SLC35F3: variants seen among roughly 807,000 people sequenced by gnomAD.
The protein encoded by SLC35F3 is putative thiamine transporter SLC35F3.
SLC35F3 carries 25 observed loss-of-function variants against 49.9 expected under a neutral mutation model. The ratio of observed to expected loss-of-function variants is 0.50; its 90% CI spans 0.37 to 0.70. The LOEUF (loss-of-function observed/expected upper bound fraction) is 0.70, where lower values mean the gene tolerates loss of function less well. SLC35F3 is among the 30% of genes least tolerant of loss of function. The probability of loss-of-function intolerance (pLI) is 0.00; values close to 1 mark genes in which losing one functional copy is unlikely to be tolerated. For synonymous variants in SLC35F3, 275 were observed against 265.4 expected (o/e 1.04, Z -0.35); for missense variants, 525 against 639.8 (o/e 0.82, Z 1.94).
At chr1:233,916,881 T>C (rs1168429953) in intron 2 of SLC35F3, among the ~76,000 whole-genome samples, 1 of 152,206 alleles carries the variant, frequency 6.6e-6, no homozygotes, top group African/African-American at 2.4e-5. Flanking sequence ...AGGAATTCAT[T>C]TGTGAATGGG....
intron 2 of SLC35F3, among the ~76,000 whole-genome samples, chr1:233,970,919 G>T (rs1662980371): frequency 6.6e-6 from 1 of 152,224 alleles, no homozygotes; most frequent in Non-Finnish European, 1.5e-5. Context: ...ATTTTAGACT[G>T]TGTTCAATTC....
Position 233,905,721 on chromosome 1 carries a change from C to T in SLC35F3, c.246C>T (p.Gly82=), listed in dbSNP as rs770576958. Residue 82 remains glycine, a synonymous_variant, in exon 2 of 8, where the codon GGC becomes GGT. Coordinates refer to ENST00000366618, the MANE Select transcript of SLC35F3 (RefSeq NM_173508.4). ...AGGAGCGGATCCTGCGCATCACTGG[C>T]TACTATGGCTACCAGCCCTGGGCAG... ...SIEERILRIT[G]YYGYQPWAAS... is the part of the protein sequence containing the mutation. The T allele has an allele frequency of 6.2e-7, 1 of 1,614,046 alleles. No homozygotes were observed. Among genetic ancestry groups the T allele is most frequent in the Non-Finnish European group, 8.5e-7 (1 of 1,179,962 alleles).
At chr1:234,233,902 G>T (rs776724011) in intron 3 of SLC35F3, among the ~76,000 whole-genome samples, 1 of 152,108 alleles carries the variant, frequency 6.6e-6, no homozygotes, top group African/African-American at 2.4e-5. Context: ...TGTTAGCCCC[G>T]TGGCTAGGCA....
At chr1:234,116,683 T>C (rs1460856139) in intron 2 of SLC35F3, among the ~76,000 whole-genome samples, 2 of 152,072 alleles carry the variant, frequency 1.3e-5, no homozygotes, top group African/African-American at 2.4e-5. Context: ...GGCTCATTTC[T>C]TTGTATTTTT....
intron 2 of SLC35F3, chr1:234,212,633 A>G (rs1365804865): frequency 6.6e-6 from 1 of 152,248 alleles, no homozygotes; most frequent in African/African-American, 2.4e-5. Flanking sequence ...AGGAAATGAA[A>G]TTATTTATGT....
intron 3 of SLC35F3, among the ~76,000 whole-genome samples, chr1:234,268,143 A>C (rs1227360931): frequency 6.6e-6 from 1 of 152,012 alleles, no homozygotes; most frequent in Non-Finnish European, 1.5e-5. Flanking sequence ...AGATCACGCC[A>C]CTGCACTCCA....
chr1:234,059,671 TAGACATAGAC>T (rs1558217681), intron 2 of SLC35F3, among the ~76,000 whole-genome samples: 3 of 112,652 alleles, frequency 2.7e-5, no homozygotes, highest in Non-Finnish European at 4.3e-5. Flanking sequence ...GACATAGACA[TAGACATAGAC>T]AGACATAGAC....
chr1:234,240,939 C>T (rs571215984), intron 3 of SLC35F3, among the ~76,000 whole-genome samples: 1 of 152,292 alleles, frequency 6.6e-6, no homozygotes, highest in South Asian at 2.1e-4. Context: ...TTGTCATGAC[C>T]TTCCAGGATA....
chr1:233,985,883 A>G (rs1663259028), intron 2 of SLC35F3, among the ~76,000 whole-genome samples: 1 of 152,220 alleles, frequency 6.6e-6, no homozygotes, highest in Admixed American at 6.5e-5. Context: ...TTTTAATCAA[A>G]CAAACGTTCT....
chr1:234,108,763 A>AAAGATATATATATT (rs1558231866), intron 2 of SLC35F3, among the ~76,000 whole-genome samples: 2 of 38,444 alleles, frequency 5.2e-5, no homozygotes, highest in African/African-American at 1.7e-4. Flanking sequence ...ATATATATAA[A>AAAGATATATATATT]TATATATATC....
At chr1:234,086,659 G>A (rs571500749) in intron 2 of SLC35F3, among the ~76,000 whole-genome samples, 3 of 152,330 alleles carry the variant, frequency 2.0e-5, no homozygotes, top group African/African-American at 7.2e-5. Flanking sequence ...CTGGGATGTT[G>A]TTGTAGATAA....
intron 3 of SLC35F3, chr1:234,261,808 G>T (rs1230033054): frequency 2.0e-5 from 3 of 152,156 alleles, no homozygotes; most frequent in African/African-American, 4.8e-5. Flanking sequence ...TAGGAGTGAG[G>T]TGTTATTATT....
intron 3 of SLC35F3, among the ~76,000 whole-genome samples, chr1:234,252,059 T>C (rs545861797): frequency 6.6e-6 from 1 of 152,058 alleles, no homozygotes; most frequent in Non-Finnish European, 1.5e-5. Context: ...AAAGAAAAGA[T>C]TGATTGTAAA....
chr1:234,115,843 G>T (rs928766603), intron 2 of SLC35F3, among the ~76,000 whole-genome samples: 1 of 152,132 alleles, frequency 6.6e-6, no homozygotes, highest in Non-Finnish European at 1.5e-5. Context: ...CAGTTTTGAG[G>T]TTAATTTTGC....
intron 2 of SLC35F3, among the ~76,000 whole-genome samples, chr1:234,197,467 A>G (rs1435887546): frequency 1.3e-5 from 2 of 152,238 alleles, no homozygotes; most frequent in Non-Finnish European, 2.9e-5. Flanking sequence ...AGGAGAGTCA[A>G]TCAATCTCCA....
At chr1:233,993,050 C>T (rs1029751978) in intron 2 of SLC35F3, among the ~76,000 whole-genome samples, 9 of 152,140 alleles carry the variant, frequency 5.9e-5, no homozygotes, top group African/African-American at 1.9e-4. Context: ...GCTCCCTTTG[C>T]TCTTCATGTT....
chr1:234,306,835 G>T (rs1319156107), intron 3 of SLC35F3, among the ~76,000 whole-genome samples: 3 of 152,190 alleles, frequency 2.0e-5, no homozygotes, highest in African/African-American at 7.2e-5. Flanking sequence ...GAAGTAGGTT[G>T]CCCAGTTAGC....
intron 3 of SLC35F3, among the ~76,000 whole-genome samples, chr1:234,298,454 G>T (rs115870013): frequency 0.012 from 1,792 of 152,272 alleles, 46 homozygotes; most frequent in African/African-American, 0.041. Context: ...TATGAAAGAA[G>T]GATAATAATA....
At chr1:234,254,051 C>G (rs1370580080) in intron 3 of SLC35F3, among the ~76,000 whole-genome samples, 1 of 152,186 alleles carries the variant, frequency 6.6e-6, no homozygotes, top group Non-Finnish European at 1.5e-5. Context: ...CAAAGGCTGC[C>G]CTCCCATGTG....
Sources: gnomAD v4.1 joint callset for allele counts (sites outside exome capture counted in the v4.1 genomes callset) on GRCh38, gnomAD v4.1.1 for gene constraint, MANE v1.5 for transcripts, NCBI Gene and HGNC (gene_info 2026-07-23, HGNC 2026-07-21) for gene names.